Variants in ZNF41 observed in about 807,000 individuals in gnomAD.
The protein encoded by ZNF41 is zinc finger protein 41.
A neutral mutation model predicts 9.3 loss-of-function variants in ZNF41; 6 were observed. That is an observed-to-expected ratio of 0.65 (90% confidence interval 0.35 to 1.28). The LOEUF (loss-of-function observed/expected upper bound fraction) is 1.28, where lower values mean the gene tolerates loss of function less well. Among genes scored for constraint, ZNF41 ranks in the 50% most tolerant of loss-of-function variants. The pLI is 0.03. For missense variants in ZNF41, 523 were observed against 585.8 expected, an observed-to-expected ratio of 0.89 and a Z score of 1.11; for synonymous variants, 192 against 207.1, an observed-to-expected ratio of 0.93 and a Z score of 0.63.
rs2056170353 is a variant in ZNF41 at position 47,447,689 on chromosome X, CCACA to C, written c.2077_2080del (p.Cys693ValfsTer41). 8.3e-7 allele frequency: 1 copy of C among 1,208,736 alleles called. No homozygotes were observed. The highest frequency in any genetic ancestry group is 1.8e-5 in the African/African-American group (1 of 56,821). Reference sequence around the variant, plus strand: ...CCAGGTGAAGGTTTTCCCGCAGTCACCACATTCATAGGGTTTCTCCCTAGTGTGG... The same window carrying C: ...CCAGGTGAAGGTTTTCCCGCAGTCACTTCATAGGGTTTCTCCCTAGTGTGG... On this transcript the variant is annotated frameshift_variant, in exon 5 of 5. Transcript: ENST00000684689. LOFTEE classifies it low-confidence loss of function (END_TRUNC).
intron 2 of ZNF41, among the ~76,000 whole-genome samples, chrX:47,462,725 A>G (rs936185662): frequency 9.2e-6 from 1 of 108,515 alleles, no homozygotes; most frequent in African/African-American, 3.4e-5. Flanking sequence ...CCTTGAGTAC[A>G]TTTCTTTCTT....
chrX:47,475,753 G>T (rs1051216151), intron 1 of ZNF41, among the ~76,000 whole-genome samples: 1 of 110,842 alleles, frequency 9.0e-6, no homozygotes, highest in Non-Finnish European at 1.9e-5. Flanking sequence ...CTCTAGTCCT[G>T]GTCTGAATTG....
rs1449774937 is a variant in ZNF41, at chrX:47,476,226, A to AC, written c.-280+6868dup. Among the ~76,000 whole-genome samples, 6 of 110,577 alleles carry AC rather than the reference A, an allele frequency of 5.4e-5. No individual in the cohort carries two copies. In the Admixed American group the frequency reaches 5.8e-4, roughly 11 times the overall value. ...AAATGAGCTGGGTGTGGTGATGCGC[A>AC]CCTGTAATCCCAGCTACTTGGGAGG... is the stretch of plus-strand genomic sequence containing the variant. On this transcript the variant is annotated intron_variant, in intron 1 of 4. Transcript: ENST00000684689.
chrX:47,451,466 C>T (rs977923880), intron 4 of ZNF41, among the ~76,000 whole-genome samples: 1 of 112,205 alleles, frequency 8.9e-6, no homozygotes, highest in South Asian at 3.7e-4. Flanking sequence ...CAAAATATCC[C>T]ATGCAGGCTG....
At chrX:47,452,758 A>G in intron 4 of ZNF41, among the ~76,000 whole-genome samples, 1 of 111,574 alleles carries the variant, frequency 9.0e-6, no homozygotes, top group African/African-American at 3.3e-5. Flanking sequence ...CACCTAGCTA[A>G]TTTTTGTATT....
chrX:47,450,997 T>C (rs1321686861), intron 4 of ZNF41, among the ~76,000 whole-genome samples: 2 of 112,441 alleles, frequency 1.8e-5, no homozygotes, highest in Non-Finnish European at 3.8e-5. Flanking sequence ...CCAAAATGTA[T>C]TGTCTTTCTA....
intron 2 of ZNF41, among the ~76,000 whole-genome samples, chrX:47,459,299 A>G (rs2056688776): frequency 9.1e-6 from 1 of 110,115 alleles, no homozygotes; most frequent in South Asian, 3.9e-4. Context: ...GCAGTGAGCC[A>G]AGACCGGGCC....
chrX:47,460,744 TAATACC>T (rs1446141970), intron 2 of ZNF41, among the ~76,000 whole-genome samples: 2 of 112,189 alleles, frequency 1.8e-5, no homozygotes, highest in African/African-American at 6.5e-5. Flanking sequence ...AAAAGACTGA[TAATACC>T]AAGTGTTGAA....
chrX:47,457,702 C>T (rs1383167223), intron 2 of ZNF41, among the ~76,000 whole-genome samples: 3 of 111,510 alleles, frequency 2.7e-5, no homozygotes, highest in East Asian at 5.7e-4. Context: ...TAGCCGGGCA[C>T]GGCGGGTGTC....
Position 47,448,299 on chromosome X carries a change from C to T in ZNF41, c.1471G>A (p.Gly491Arg), listed in dbSNP as rs144063485. The T allele has an allele frequency of 3.7e-5, 45 of 1,209,313 alleles. No homozygotes were observed. The highest frequency in any genetic ancestry group is 1.1e-4 in the African/African-American group (6 of 56,978). ...QLHVHQRIHT[G>R]EKPYICTECG... is the part of the protein sequence containing the mutation. ...TCTGTACATATATAGGGTTTCTCTCCGGTGTGAATTCTTTGATGCACATGG... is the reference window on the plus strand; with the variant it reads ...TCTGTACATATATAGGGTTTCTCTCTGGTGTGAATTCTTTGATGCACATGG... Residue 491 changes from glycine (G) to arginine (R), a missense_variant, in exon 5 of 5, where the codon GGA (glycine) becomes AGA (arginine). By Grantham distance (125) the Gly-to-Arg change is moderately radical (BLOSUM62 -2). Transcript: ENST00000684689.
chrX:47,452,557 C>G, intron 4 of ZNF41, among the ~76,000 whole-genome samples: 1 of 111,717 alleles, frequency 9.0e-6, no homozygotes, highest in Middle Eastern at 4.6e-3. Flanking sequence ...TCCTTGGATG[C>G]TTGCTCACAA....
chrX:47,467,318 ACTCACCTG>A, intron 2 of ZNF41, 84 bp downstream of exon 2: 1 of 1,165,898 alleles, frequency 8.6e-7, no homozygotes, highest in Non-Finnish European at 1.1e-6. Flanking sequence ...ACTTCCTCTG[ACTCACCTG>A]CTTCTGCCCT....
Position 47,449,159 on chromosome X carries a change from T to C in ZNF41, c.611A>G (p.Asn204Ser). 1.7e-6 allele frequency: 2 copies of C among 1,211,585 alleles called. No individual in the cohort carries two copies. Among genetic ancestry groups the C allele is most frequent in the Non-Finnish European group, 2.2e-6 (2 of 895,413 alleles). ...CTTTGTTGCACTGTTTCTATTATGA[T>C]TATGTGAGTTTAAAGTATGCTTCAA... ...TILKHTLNSH[N>S]HNRNSATKNL... Residue 204 changes from asparagine (N) to serine (S), a missense_variant, in exon 5 of 5, where the codon AAT (asparagine) becomes AGT (serine). Transcript: ENST00000684689.
chrX:47,462,910 G>GTGTATATA (rs1259371594), intron 2 of ZNF41, among the ~76,000 whole-genome samples: 36 of 92,754 alleles, frequency 3.9e-4, no homozygotes, highest in African/African-American at 1.4e-3. Context: ...TTTTTTGTAT[G>GTGTATATA]TATATATATA....
chrX:47,452,524 T>A (rs2056405887), intron 4 of ZNF41, among the ~76,000 whole-genome samples: 1 of 111,711 alleles, frequency 9.0e-6, no homozygotes, highest in African/African-American at 3.2e-5. Context: ...CTGAATTTCA[T>A]CCCTGGGAAG....
chrX:47,462,958 CACACACACAT>C (rs2056861819), intron 2 of ZNF41, among the ~76,000 whole-genome samples: 1 of 105,068 alleles, frequency 9.5e-6, no homozygotes, highest in Non-Finnish European at 1.9e-5. Context: ...CACACACACA[CACACACACAT>C]ATGTGTACAC....
In ZNF41 at chrX:47,447,952, C is replaced by A. The variant is rs752151073; in HGVS notation, c.1818G>T (p.Pro606=). Residue 606 remains proline (P), a synonymous_variant, in exon 5 of 5, where the codon CCG becomes CCT. Transcript: ENST00000684689. ...VHQRIHTGEK[P]YVCPECGKAF... ...CCTTCCCGCATTCAGGACAAACGTA[C>A]GGTTTCTCTCCTGTATGGATTCTCT... 8.3e-7 allele frequency: 1 copy of A among 1,211,126 alleles called. No homozygotes were observed. The highest frequency in any genetic ancestry group is 1.1e-6 in the Non-Finnish European group (1 of 895,313).
Position 47,448,757 on chromosome X carries a change from A to G in ZNF41, c.1013T>C (p.Leu338Pro), listed in dbSNP as rs1486567099. The G allele has an allele frequency of 8.3e-7, 1 of 1,211,598 alleles. No homozygotes were observed. Among genetic ancestry groups the G allele is most frequent in the Non-Finnish European group, 1.1e-6 (1 of 895,509 alleles). Residue 338 changes from leucine (L) to proline (P), a missense_variant, in exon 5 of 5, where the codon CTC (leucine) becomes CCC (proline). Physicochemically the swap from Leu to Pro is moderately conservative, Grantham distance 98. Transcript: ENST00000684689. ...TTGATGTGTAATGAGGTTTGATTTG[A>G]GGGTAAAGACTTTCCCACATTGAGT... ...LCTQCGKVFTLKSNLITHQKI... is the reference protein window; with the variant it reads ...LCTQCGKVFTPKSNLITHQKI...
At chrX:47,466,655 T>C (rs763294186) in intron 2 of ZNF41, among the ~76,000 whole-genome samples, 15 of 111,214 alleles carry the variant, frequency 1.3e-4, no homozygotes, top group Non-Finnish European at 2.3e-4. Context: ...GTAGCTGGGA[T>C]TACAGGCATG....
Sources: gnomAD v4.1 joint callset for allele counts (sites outside exome capture counted in the v4.1 genomes callset) on GRCh38, gnomAD v4.1.1 for gene constraint, MANE v1.5 for transcripts, NCBI Gene and HGNC (gene_info 2026-07-23, HGNC 2026-07-21) for gene names.